The following CCDC169 variants were observed in gnomAD, a reference collection of about 807,000 sequenced individuals.
The protein encoded by CCDC169 is coiled-coil domain containing 169, also known as coiled-coil domain-containing protein 169.
CCDC169 carries 30 observed loss-of-function variants against 36.0 expected under a neutral mutation model. The observed-to-expected ratio is 0.83, with a 90% CI of 0.62 to 1.13. The LOEUF is 1.13. CCDC169 is among the 50% of genes most tolerant of loss of function. The pLI is 0.00. For missense variants in CCDC169, 245 were observed against 245.9 expected, an observed-to-expected ratio of 1.00 and a Z score of 0.03; for synonymous variants, 85 against 81.5, an observed-to-expected ratio of 1.04 and a Z score of -0.23.
At chr13:36,230,663 G>C (rs1463057358), downstream of CCDC169, 2 of 626,906 alleles carry the variant, frequency 3.2e-6, no homozygotes, top group Non-Finnish European at 4.0e-6. Context: ...ACTTGCCCAA[G>C]ATCTCCTAAG....
intron 4 of CCDC169, chr13:36,281,230 C>CA: frequency 2.2e-6 from 1 of 446,012 alleles, no homozygotes; most frequent in Non-Finnish European, 4.5e-6. Flanking sequence ...ACAGCCACTG[C>CA]ACCACCCCTG....
At chr13:36,231,968 A>G (rs2138379438) in intron 7 of CCDC169, among the ~76,000 whole-genome samples, 1 of 152,326 alleles carries the variant, frequency 6.6e-6, no homozygotes, top group South Asian at 2.1e-4. Flanking sequence ...CTCCTCCATA[A>G]AAGTGATGAC....
intron 7 of CCDC169, among the ~76,000 whole-genome samples, chr13:36,244,074 G>GA (rs1365604661): frequency 6.6e-6 from 1 of 152,180 alleles, no homozygotes; most frequent in Non-Finnish European, 1.5e-5. Flanking sequence ...GATATGAATT[G>GA]GAAAATAAAC....
chr13:36,236,075 C>T (rs553313948), intron 7 of CCDC169, among the ~76,000 whole-genome samples: 3 of 152,074 alleles, frequency 2.0e-5, no homozygotes, highest in South Asian at 2.1e-4. Flanking sequence ...GGCAACACTA[C>T]CCAAAGTGAT....
intron 4 of CCDC169, among the ~76,000 whole-genome samples, chr13:36,255,231 G>A (rs1243913491): frequency 4.6e-5 from 7 of 152,072 alleles, no homozygotes; most frequent in Non-Finnish European, 7.4e-5. Context: ...GTCTCTGGTC[G>A]GGGTCCAGGC....
At chr13:36,269,765 G>T (rs999544284) in intron 4 of CCDC169, among the ~76,000 whole-genome samples, 2 of 152,056 alleles carry the variant, frequency 1.3e-5, no homozygotes, top group South Asian at 2.1e-4. Flanking sequence ...GACATAGAAG[G>T]GACTTACTTC....
At chr13:36,282,576 C>G in intron 4 of CCDC169, 2 of 983,190 alleles carry the variant, frequency 2.0e-6, no homozygotes, top group Non-Finnish European at 2.4e-6. Flanking sequence ...CTTTCATTCT[C>G]TTTCCTTTCT....
chr13:36,225,924 A>C (rs2138359910), downstream of CCDC169: 2 of 152,348 alleles, frequency 1.3e-5, no homozygotes, highest in South Asian at 4.1e-4. Context: ...CTATTATTGA[A>C]AAGTAAAAAA....
intron 7 of CCDC169, among the ~76,000 whole-genome samples, chr13:36,246,102 C>T (rs1295291173): frequency 6.6e-6 from 1 of 152,206 alleles, no homozygotes; most frequent in Non-Finnish European, 1.5e-5. Flanking sequence ...TTGGGCTTCT[C>T]TATTCATTGA....
At chr13:36,284,655 G>C (rs1877953285) in intron 2 of CCDC169, among the ~76,000 whole-genome samples, 1 of 152,116 alleles carries the variant, frequency 6.6e-6, no homozygotes, top group African/African-American at 2.4e-5. Context: ...AAATTAAAAG[G>C]TCTTTGTTCA....
At chr13:36,238,860 T>G (rs1230590907) in intron 7 of CCDC169, among the ~76,000 whole-genome samples, 1 of 152,070 alleles carries the variant, frequency 6.6e-6, no homozygotes, top group Non-Finnish European at 1.5e-5. Flanking sequence ...ATTGATTTAC[T>G]GAATTACAAT....
At chr13:36,293,249 G>A (rs1879121399) in intron 2 of CCDC169, among the ~76,000 whole-genome samples, 1 of 152,064 alleles carries the variant, frequency 6.6e-6, no homozygotes, top group African/African-American at 2.4e-5. Context: ...AAATTCATTA[G>A]CATCATGCAA....
intron 4 of CCDC169, among the ~76,000 whole-genome samples, chr13:36,269,929 T>C (rs1310563372): frequency 7.0e-6 from 1 of 142,408 alleles, no homozygotes; most frequent in Non-Finnish European, 1.6e-5. Context: ...AGCCAGAGCA[T>C]TCGGGCAAGA....
intron 4 of CCDC169, among the ~76,000 whole-genome samples, chr13:36,255,200 A>G (rs2138483830): frequency 6.6e-6 from 1 of 152,284 alleles, no homozygotes; most frequent in African/African-American, 2.4e-5. Flanking sequence ...AAGCAGTTCA[A>G]GTTTTCATGC....
intron 4 of CCDC169, among the ~76,000 whole-genome samples, chr13:36,256,712 A>C (rs1594034806): frequency 6.6e-6 from 1 of 151,998 alleles, no homozygotes; most frequent in South Asian, 2.1e-4. Context: ...TGAGGCCCCC[A>C]CCGGCCTGGG....
intron 2 of CCDC169, among the ~76,000 whole-genome samples, chr13:36,287,245 T>A (rs910509534): frequency 6.6e-6 from 1 of 152,116 alleles, no homozygotes; most frequent in Non-Finnish European, 1.5e-5. Flanking sequence ...ATGATCTAAC[T>A]AGAATGTAAA....
chr13:36,290,302 G>A (rs1308090251), intron 2 of CCDC169, among the ~76,000 whole-genome samples: 1 of 152,192 alleles, frequency 6.6e-6, no homozygotes, highest in South Asian at 2.1e-4. Flanking sequence ...AATTTATTCT[G>A]TGCCTAAATA....
chr13:36,283,452 A>G lies in CCDC169; in HGVS notation c.315+17T>C. Reference sequence around the variant, plus strand: ...TTCCTTCAATTATTCTTTGTGTTTAATCACATTTCTACTCACCACTGGCAT... The same window carrying G: ...TTCCTTCAATTATTCTTTGTGTTTAGTCACATTTCTACTCACCACTGGCAT... On this transcript the variant is annotated intron_variant, in intron 4 of 7. Coordinates refer to ENST00000239859, the MANE Select transcript of CCDC169 (RefSeq NM_001144981.3). The G allele has an allele frequency of 6.5e-7, 1 of 1,543,006 alleles. No homozygotes were observed.
chr13:36,227,115 T>A, downstream of CCDC169: 1 of 859,948 alleles, frequency 1.2e-6, no homozygotes, highest in Non-Finnish European at 1.7e-6. Flanking sequence ...CCCAATCTTT[T>A]CTGTACAATT....
Sources: allele counts gnomAD v4.1 joint callset (sites outside exome capture counted in the v4.1 genomes callset), GRCh38; gene constraint gnomAD v4.1.1; transcripts MANE v1.5; gene names NCBI Gene and HGNC (gene_info 2026-07-23, HGNC 2026-07-21).